The following DCLK2 variants were observed in gnomAD, a reference collection of about 807,000 sequenced individuals.
The protein encoded by DCLK2 is doublecortin like kinase 2.
DCLK2 carries 31 observed loss-of-function variants against 78.4 expected under a neutral mutation model. The observed-to-expected ratio is 0.40, with a 90% confidence interval of 0.30 to 0.53. DCLK2 has a LOEUF of 0.53. Among genes scored for constraint, DCLK2 ranks in the 20% least tolerant of loss-of-function variants. The pLI, the probability that DCLK2 is intolerant of heterozygous loss-of-function variation, is 0.61. For missense variants in DCLK2, 872 were observed against 973.7 expected (o/e 0.90, Z 1.39); for synonymous variants, 407 against 374.9 (o/e 1.09, Z -0.99).
rs532482555 is a variant in DCLK2 at position 150,106,058 on chromosome 4, A to G, written c.756+3246A>G. 1.7e-3 allele frequency among the ~76,000 whole-genome samples: 255 copies of G among 152,182 alleles called. 8 individuals carry two copies. In the South Asian group the frequency reaches 0.051, roughly 30 times the overall value. On this transcript the variant is annotated intron_variant, in intron 2 of 15. Coordinates refer to ENST00000296550, the MANE Select transcript of DCLK2 (RefSeq NM_001040260.4). ...CACATTATGAGTTAATTATTTTTTC[A>G]TGTGCCAAAAAAAGATCTTTTAAGA...
chr4:150,233,792 C>G (rs965700786), intron 10 of DCLK2, among the ~76,000 whole-genome samples: 2 of 152,192 alleles, frequency 1.3e-5, no homozygotes, highest in African/African-American at 4.8e-5. Context: ...CCAACATGGT[C>G]TAAGCTTCAA....
chr4:150,101,504 T>C (rs1206753294), intron 1 of DCLK2, among the ~76,000 whole-genome samples: 1 of 152,174 alleles, frequency 6.6e-6, no homozygotes, highest in Non-Finnish European at 1.5e-5. Context: ...ATGAGTGTTA[T>C]ACTGAATATG....
chr4:150,082,268 T>C (rs1395835971), intron 1 of DCLK2, among the ~76,000 whole-genome samples: 3 of 152,234 alleles, frequency 2.0e-5, no homozygotes, highest in African/African-American at 7.2e-5. Context: ...TACAACATTA[T>C]GTTCAACTAG....
At chr4:150,190,245 A>G (rs767953564) in intron 2 of DCLK2, among the ~76,000 whole-genome samples, 24 of 41,504 alleles carry the variant, frequency 5.8e-4, no homozygotes, top group Admixed American at 1.6e-3. Context: ...TTAGATAGAT[A>G]GATAGATAGA....
chr4:150,253,119 TCCTCATCC>T (rs1231869845), intron 15 of DCLK2: 33 of 453,054 alleles, frequency 7.3e-5, no homozygotes, highest in Admixed American at 5.4e-4. Context: ...CTCCTCATCC[TCCTCATCC>T]TCCTCACGTC....
chr4:150,183,033 T>C (rs1737643333), intron 2 of DCLK2, among the ~76,000 whole-genome samples: 1 of 152,074 alleles, frequency 6.6e-6, no homozygotes, highest in Non-Finnish European at 1.5e-5. Context: ...CCATAAAAAA[T>C]GCTGATCTAT....
intron 2 of DCLK2, among the ~76,000 whole-genome samples, chr4:150,139,187 T>G (rs1353470277): frequency 6.6e-6 from 1 of 152,146 alleles, no homozygotes; most frequent in African/African-American, 2.4e-5. Flanking sequence ...TATTTAAATG[T>G]GAGAATTATT....
chr4:150,175,191 T>A (rs1446883403), intron 2 of DCLK2, among the ~76,000 whole-genome samples: 1 of 67,970 alleles, frequency 1.5e-5, no homozygotes, highest in African/African-American at 7.8e-5. Flanking sequence ...TATTTATAAT[T>A]TATCTATATA....
Position 150,104,317 on chromosome 4 carries a change from G to A in DCLK2, c.756+1505G>A, listed in dbSNP as rs377372543. ...GTGGGAGGATCCTTTGAACCCAGGAGTTTCGGGCTGCAGTGAGCTATGATT... is the reference window on the plus strand; with the variant it reads ...GTGGGAGGATCCTTTGAACCCAGGAATTTCGGGCTGCAGTGAGCTATGATT... On this transcript the variant is annotated intron_variant, in intron 2 of 15. Transcript: ENST00000296550. Among the ~76,000 whole-genome samples the A allele has an allele frequency of 7.2e-4, 104 of 143,812 alleles. 3 individuals are homozygous for A. The South Asian group carries it at 0.015, about 21-fold the overall frequency. The allele number at this position is 143,812 out of a possible 152,430, so 94.3% of individuals were successfully genotyped here. A position where few individuals can be genotyped will look rare whatever the true frequency, so the allele number is the denominator to read the frequency against.
At chr4:150,088,228 G>A (rs563406824) in intron 1 of DCLK2, among the ~76,000 whole-genome samples, 1 of 152,284 alleles carries the variant, frequency 6.6e-6, no homozygotes, top group South Asian at 2.1e-4. Context: ...TGTTCATTAA[G>A]CCTGTGTGGG....
At chr4:150,161,840 G>A (rs1026758019) in intron 2 of DCLK2, among the ~76,000 whole-genome samples, 4 of 152,172 alleles carry the variant, frequency 2.6e-5, no homozygotes, top group Non-Finnish European at 2.9e-5. Context: ...AAGACATTTT[G>A]TGTGATGTCT....
chr4:150,116,220 G>T (rs1732076188), intron 2 of DCLK2, among the ~76,000 whole-genome samples: 1 of 152,174 alleles, frequency 6.6e-6, no homozygotes, highest in Non-Finnish European at 1.5e-5. Context: ...CTGTCTACAG[G>T]TGTATGTATC....
intron 2 of DCLK2, among the ~76,000 whole-genome samples, chr4:150,154,348 T>G (rs377373613): frequency 6.6e-6 from 1 of 152,174 alleles, no homozygotes. Context: ...CACAGATGTT[T>G]TACCAGGAAT....
At chr4:150,158,046 A>T (rs1560820525) in intron 2 of DCLK2, among the ~76,000 whole-genome samples, 1 of 152,240 alleles carries the variant, frequency 6.6e-6, no homozygotes, top group Non-Finnish European at 1.5e-5. Flanking sequence ...TGCTAAGGCC[A>T]CCATAATAAA....
chr4:150,170,782 T>C (rs1033510671), intron 2 of DCLK2, among the ~76,000 whole-genome samples: 2 of 151,544 alleles, frequency 1.3e-5, no homozygotes, highest in Non-Finnish European at 2.9e-5. Context: ...ATTTGATCCT[T>C]CATTCTTGGA....
At chr4:150,088,805 A>G (rs1023461295) in intron 1 of DCLK2, among the ~76,000 whole-genome samples, 1 of 152,170 alleles carries the variant, frequency 6.6e-6, no homozygotes, top group African/African-American at 2.4e-5. Context: ...CCCCAAGGGG[A>G]AAAAAAGATC....
chr4:150,090,512 A>G (rs1489115358), intron 1 of DCLK2, among the ~76,000 whole-genome samples: 1 of 97,032 alleles, frequency 1.0e-5, no homozygotes, highest in Non-Finnish European at 2.6e-5. Context: ...GGCCCCATGT[A>G]TGAGGAGCAA....
chr4:150,248,424 C>T (rs199516426), intron 14 of DCLK2, 39 bp downstream of exon 14: 3 of 1,546,960 alleles, frequency 1.9e-6, no homozygotes, highest in East Asian at 2.2e-5. Context: ...CCTCACTGTG[C>T]TCTGTGGCCA....
At chr4:150,084,759 C>T (rs1729530521) in intron 1 of DCLK2, among the ~76,000 whole-genome samples, 1 of 152,158 alleles carries the variant, frequency 6.6e-6, no homozygotes, top group African/African-American at 2.4e-5. Context: ...TTCTCTTGGG[C>T]AGTGATCATC....
Sources: gnomAD v4.1 joint callset for allele counts (sites outside exome capture counted in the v4.1 genomes callset) on GRCh38, gnomAD v4.1.1 for gene constraint, MANE v1.5 for transcripts, NCBI Gene and HGNC (gene_info 2026-07-23, HGNC 2026-07-21) for gene names.